CSMD1: variants seen among roughly 807,000 people sequenced by gnomAD.
The protein encoded by CSMD1 is CUB and sushi domain-containing protein 1.
A neutral mutation model predicts 417.5 loss-of-function variants in CSMD1; 213 were observed. That is an observed-to-expected ratio of 0.51 (90% confidence interval 0.46 to 0.57). The LOEUF (loss-of-function observed/expected upper bound fraction) is 0.57. Among genes scored for constraint, CSMD1 ranks in the 20% least tolerant of loss-of-function variants. The probability of loss-of-function intolerance (pLI) is 0.00; values close to 1 mark genes in which losing one functional copy is unlikely to be tolerated. For missense variants in CSMD1, 6,923 were observed against 4,529.7 expected, an observed-to-expected ratio of 1.53 and a Z score of -15.17; for synonymous variants, 2,862 against 1,736.8, an observed-to-expected ratio of 1.65 and a Z score of -16.11.
intron 3 of CSMD1, among the ~76,000 whole-genome samples, chr8:4,336,103 T>C (rs1442439257): frequency 2.0e-5 from 3 of 152,118 alleles, no homozygotes; most frequent in Admixed American, 2.0e-4. Flanking sequence ...TGAGAAATAG[T>C]GTAAGTATTT....
chr8:4,232,533 G>A (rs960719202), intron 3 of CSMD1, among the ~76,000 whole-genome samples: 1 of 152,108 alleles, frequency 6.6e-6, no homozygotes, highest in Non-Finnish European at 1.5e-5. Flanking sequence ...TACCTATGAA[G>A]AATAATTGAC....
chr8:4,487,128 G>T (rs1188554392), intron 2 of CSMD1, among the ~76,000 whole-genome samples: 2 of 152,018 alleles, frequency 1.3e-5, no homozygotes, highest in Non-Finnish European at 2.9e-5. Flanking sequence ...ATCATATAAG[G>T]CACTATTTCA....
chr8:3,808,884 T>C (rs541283651), intron 5 of CSMD1, among the ~76,000 whole-genome samples: 129 of 152,316 alleles, frequency 8.5e-4, no homozygotes, highest in Non-Finnish European at 1.2e-3. Flanking sequence ...TCTGAAGTCA[T>C]ATCAGGGATT....
intron 26 of CSMD1, among the ~76,000 whole-genome samples, chr8:3,276,301 TGG>T (rs1802285597): frequency 6.6e-6 from 1 of 152,168 alleles, no homozygotes; most frequent in South Asian, 2.1e-4. Flanking sequence ...AGCTGCATGC[TGG>T]GAGAACCACT....
At chr8:3,889,816 T>C (rs1156888201) in intron 5 of CSMD1, among the ~76,000 whole-genome samples, 5 of 152,100 alleles carry the variant, frequency 3.3e-5, no homozygotes, top group Non-Finnish European at 7.4e-5. Flanking sequence ...TTGCAAATTC[T>C]TTATTTCTCT....
intron 12 of CSMD1, among the ~76,000 whole-genome samples, chr8:3,431,348 G>A (rs1814206257): frequency 1.3e-5 from 2 of 152,134 alleles, no homozygotes; most frequent in South Asian, 2.1e-4. Flanking sequence ...GTAACTTGGA[G>A]AGTGAAAATT....
At chr8:3,442,061 A>C (rs777066983) in intron 12 of CSMD1, among the ~76,000 whole-genome samples, 8 of 152,052 alleles carry the variant, frequency 5.3e-5, no homozygotes, top group Non-Finnish European at 7.4e-5. Context: ...TTAAACAAAA[A>C]ATTTTAAAAA....
chr8:4,521,465 G>A (rs1038761019), intron 2 of CSMD1, among the ~76,000 whole-genome samples: 31 of 152,238 alleles, frequency 2.0e-4, no homozygotes, highest in Middle Eastern at 3.4e-3. Context: ...TGTTGTTCTT[G>A]AAGAATATGC....
chr8:3,867,525 T>C (rs1398107952), intron 5 of CSMD1, among the ~76,000 whole-genome samples: 1 of 152,130 alleles, frequency 6.6e-6, no homozygotes, highest in Non-Finnish European at 1.5e-5. Context: ...TTTTAATGTG[T>C]CCCAGACAAC....
chr8:2,987,342 A>G (rs1476088189), intron 54 of CSMD1, among the ~76,000 whole-genome samples: 2 of 150,390 alleles, frequency 1.3e-5, no homozygotes, highest in African/African-American at 4.9e-5. Flanking sequence ...ATGTAAGCTT[A>G]TGTGTGTATA....
At chr8:4,414,200 A>G (rs776374306) in intron 3 of CSMD1, among the ~76,000 whole-genome samples, 2 of 152,170 alleles carry the variant, frequency 1.3e-5, no homozygotes, top group African/African-American at 2.4e-5. Flanking sequence ...CTAAATCCAG[A>G]TCCACAGGTG....
At chr8:3,399,339 A>G in intron 16 of CSMD1, 52 bp downstream of exon 16, 4 of 1,496,936 alleles carry the variant, frequency 2.7e-6, no homozygotes, top group South Asian at 2.8e-5. Flanking sequence ...TACTAAAACT[A>G]TGGAAGAGAC....
intron 19 of CSMD1, among the ~76,000 whole-genome samples, chr8:3,367,967 T>A (rs1462653298): frequency 6.6e-6 from 1 of 152,094 alleles, no homozygotes; most frequent in Non-Finnish European, 1.5e-5. Context: ...GAGGTCTGCA[T>A]AACCGAGGAA....
At chr8:4,090,344 C>G (rs1035636448) in intron 3 of CSMD1, among the ~76,000 whole-genome samples, 5 of 152,194 alleles carry the variant, frequency 3.3e-5, no homozygotes, top group African/African-American at 1.2e-4. Context: ...GAGTCATTAT[C>G]TATCATGCCT....
At chr8:4,511,751 G>A (rs1358789373) in intron 2 of CSMD1, among the ~76,000 whole-genome samples, 2 of 152,106 alleles carry the variant, frequency 1.3e-5, no homozygotes, top group Non-Finnish European at 2.9e-5. Flanking sequence ...AGTCATTAGG[G>A]GGCCCATTCA....
intron 3 of CSMD1, among the ~76,000 whole-genome samples, chr8:4,043,657 T>C (rs1433699655): frequency 1.3e-5 from 2 of 152,226 alleles, no homozygotes; most frequent in Non-Finnish European, 2.9e-5. Context: ...GGAGTGGTGG[T>C]TCCTGGGTGA....
chr8:3,928,606 G>A (rs1809917718), intron 5 of CSMD1, among the ~76,000 whole-genome samples: 2 of 145,012 alleles, frequency 1.4e-5, no homozygotes, highest in African/African-American at 5.1e-5. Context: ...AATAGATGAT[G>A]TCATAAGAAG....
At chr8:3,842,308 T>G (rs921895560) in intron 5 of CSMD1, among the ~76,000 whole-genome samples, 1 of 152,154 alleles carries the variant, frequency 6.6e-6, no homozygotes, top group African/African-American at 2.4e-5. Flanking sequence ...ATTCCAGTAG[T>G]TTCTATTGGT....
chr8:3,528,391 C>T (rs147124078), intron 10 of CSMD1, among the ~76,000 whole-genome samples: 2 of 152,126 alleles, frequency 1.3e-5, no homozygotes, highest in African/African-American at 4.8e-5. Context: ...GAGCACTTGT[C>T]TTAGCACTCG....
Sources: allele counts gnomAD v4.1 joint callset (sites outside exome capture counted in the v4.1 genomes callset), GRCh38; gene constraint gnomAD v4.1.1; transcripts MANE v1.5; gene names NCBI Gene and HGNC (gene_info 2026-07-23, HGNC 2026-07-21).